WWOX: variants seen among roughly 807,000 people sequenced by gnomAD.
WWOX encodes WW domain containing oxidoreductase.
A neutral mutation model predicts 46.2 loss-of-function variants in WWOX; 69 were observed. The ratio of observed to expected loss-of-function variants is 1.49; its 90% confidence interval spans 1.23 to 1.82. The LOEUF (loss-of-function observed/expected upper bound fraction) is 1.82, where lower values mean the gene tolerates loss of function less well. Ranked by LOEUF, WWOX falls within the 40% of genes most tolerant of loss-of-function variation. The probability of loss-of-function intolerance (pLI) is 0.00; values close to 1 mark genes in which losing one functional copy is unlikely to be tolerated. For missense variants in WWOX, 919 were observed against 542.6 expected (o/e 1.69, Z -6.89); for synonymous variants, 359 against 202.6 (o/e 1.77, Z -6.56).
At chr16:78,234,274 A>G (rs2037365325) in intron 5 of WWOX, among the ~76,000 whole-genome samples, 1 of 152,210 alleles carries the variant, frequency 6.6e-6, no homozygotes, top group Non-Finnish European at 1.5e-5. Flanking sequence ...AGTCTAGGTT[A>G]TTATACTTTT....
intron 5 of WWOX, among the ~76,000 whole-genome samples, chr16:78,282,736 G>T (rs1325870326): frequency 6.6e-6 from 1 of 151,920 alleles, no homozygotes; most frequent in Non-Finnish European, 1.5e-5. Flanking sequence ...AAATTAGCCG[G>T]GAGTGGTGGT....
At chr16:79,012,533 G>A (rs1305620858) in intron 8 of WWOX, among the ~76,000 whole-genome samples, 2 of 152,094 alleles carry the variant, frequency 1.3e-5, no homozygotes, top group Admixed American at 6.6e-5. Context: ...CTGCGCAGAC[G>A]GACATATGAA....
At chr16:78,608,313 G>C (rs2045813284) in intron 8 of WWOX, among the ~76,000 whole-genome samples, 1 of 152,202 alleles carries the variant, frequency 6.6e-6, no homozygotes, top group South Asian at 2.1e-4. Context: ...GCAGAATAAT[G>C]AGGTCTATCC....
chr16:78,503,962 G>A (rs1208485048), intron 8 of WWOX, among the ~76,000 whole-genome samples: 1 of 152,164 alleles, frequency 6.6e-6, no homozygotes, highest in Non-Finnish European at 1.5e-5. Flanking sequence ...TCTGAACTTG[G>A]AAGCTGCAAG....
At chr16:78,187,589 A>G (rs1162601517) in intron 5 of WWOX, among the ~76,000 whole-genome samples, 1 of 152,190 alleles carries the variant, frequency 6.6e-6, no homozygotes, top group Non-Finnish European at 1.5e-5. Flanking sequence ...GTCCACACAC[A>G]GAGTGAGACT....
intron 5 of WWOX, among the ~76,000 whole-genome samples, chr16:78,375,642 C>G (rs1026787549): frequency 2.0e-5 from 3 of 151,998 alleles, no homozygotes; most frequent in African/African-American, 7.3e-5. Context: ...TTTTGGAGGA[C>G]CCTCAGTAAA....
chr16:78,948,249 G>A (rs1194352634), intron 8 of WWOX, among the ~76,000 whole-genome samples: 3 of 152,144 alleles, frequency 2.0e-5, no homozygotes, highest in Admixed American at 2.0e-4. Flanking sequence ...CACAGACAGT[G>A]GCACCACTAG....
At chr16:79,069,455 G>A (rs1030304945) in intron 8 of WWOX, among the ~76,000 whole-genome samples, 17 of 151,802 alleles carry the variant, frequency 1.1e-4, no homozygotes, top group Non-Finnish European at 1.9e-4. Flanking sequence ...TTGTTCACAC[G>A]TTACTGTAGT....
intron 8 of WWOX, among the ~76,000 whole-genome samples, chr16:79,071,412 C>T (rs992735942): frequency 1.3e-5 from 2 of 151,696 alleles, no homozygotes; most frequent in Admixed American, 6.6e-5. Context: ...TTGTGCGTTT[C>T]TTCCCCCCTC....
intron 8 of WWOX, among the ~76,000 whole-genome samples, chr16:78,553,941 G>T (rs1294317015): frequency 6.6e-6 from 1 of 152,048 alleles, no homozygotes; most frequent in Non-Finnish European, 1.5e-5. Flanking sequence ...GTGTAGAAAG[G>T]TCGGGTGTCA....
chr16:79,203,540 T>C (rs1392669043), intron 8 of WWOX: 1 of 151,300 alleles, frequency 6.6e-6, no homozygotes, highest in African/African-American at 2.4e-5. Flanking sequence ...GACTATGTTA[T>C]AGAATACTTA....
chr16:79,120,974 G>C (rs907313271), intron 8 of WWOX, among the ~76,000 whole-genome samples: 1 of 152,166 alleles, frequency 6.6e-6, no homozygotes, highest in African/African-American at 2.4e-5. Flanking sequence ...TCACCATGTT[G>C]GCCAGGCTGG....
intron 8 of WWOX, among the ~76,000 whole-genome samples, chr16:78,990,426 C>T (rs752727578): frequency 3.9e-5 from 6 of 152,146 alleles, no homozygotes; most frequent in Non-Finnish European, 7.3e-5. Context: ...GAATGGCTGT[C>T]TAGCTTCAGT....
chr16:78,856,984 T>C (rs2052581766), intron 8 of WWOX, among the ~76,000 whole-genome samples: 1 of 152,218 alleles, frequency 6.6e-6, no homozygotes, highest in Non-Finnish European at 1.5e-5. Context: ...TCCTGAATAC[T>C]GTAGGCAATT....
At chr16:78,202,158 C>T (rs2151776785) in intron 5 of WWOX, among the ~76,000 whole-genome samples, 1 of 152,316 alleles carries the variant, frequency 6.6e-6, no homozygotes, top group South Asian at 2.1e-4. Context: ...CTGTACTCCC[C>T]ACAAACCTAG....
At chr16:78,222,143 T>C (rs1156260712) in intron 5 of WWOX, among the ~76,000 whole-genome samples, 3 of 152,088 alleles carry the variant, frequency 2.0e-5, no homozygotes, top group Admixed American at 6.6e-5. Flanking sequence ...TTTGGAACAA[T>C]GGCATTTTCC....
At chr16:78,521,362 T>C (rs2043344524) in intron 8 of WWOX, among the ~76,000 whole-genome samples, 1 of 152,100 alleles carries the variant, frequency 6.6e-6, no homozygotes, top group African/African-American at 2.4e-5. Context: ...AGCCTTGATA[T>C]TATTTTTTAA....
At chr16:78,388,767 C>G (rs748021528) in intron 6 of WWOX, among the ~76,000 whole-genome samples, 1 of 150,862 alleles carries the variant, frequency 6.6e-6, no homozygotes, top group African/African-American at 2.4e-5. Flanking sequence ...GTCAGGAGTT[C>G]GAGACCAGCC....
At chr16:78,198,199 C>G (rs1427622271) in intron 5 of WWOX, among the ~76,000 whole-genome samples, 4 of 152,048 alleles carry the variant, frequency 2.6e-5, no homozygotes, top group Non-Finnish European at 5.9e-5. Context: ...GGTCATGCAG[C>G]TACTTCCAGA....
Sources: allele counts gnomAD v4.1 joint callset (sites outside exome capture counted in the v4.1 genomes callset), GRCh38; gene constraint gnomAD v4.1.1; transcripts MANE v1.5; gene names NCBI Gene and HGNC (gene_info 2026-07-23, HGNC 2026-07-21).